The following PCDHGC3 variants were observed in gnomAD, a reference collection of about 807,000 sequenced individuals.
PCDHGC3 encodes the protein protocadherin gamma subfamily C, 3, also known as protocadherin gamma-C3.
In PCDHGC3, 26 loss-of-function variants were observed where a neutral mutation model predicts 59.2. That is an observed-to-expected ratio of 0.44 (90% CI 0.32 to 0.61). PCDHGC3 has a LOEUF of 0.61. PCDHGC3 is among the 20% of genes least tolerant of loss of function. The pLI, the probability that PCDHGC3 is intolerant of heterozygous loss-of-function variation, is 0.05. For synonymous variants in PCDHGC3, 487 were observed against 519.7 expected (o/e 0.94, Z 0.86); for missense variants, 1,080 against 1,221.8 (o/e 0.88, Z 1.73).
rs191642740 is a variant in PCDHGC3 at position 141,509,833 on chromosome 5, C to T, written c.2579-1114C>T. On this transcript the variant is annotated intron_variant, in intron 3 of 3. Coordinates refer to ENST00000308177, the MANE Select transcript of PCDHGC3 (RefSeq NM_002588.4). ...GAGCTCTTCTCCATCTTCTCTCTAC[C>T]TCCCATTCACTCAGAACAGGGATAA... 2.6e-5 allele frequency among the ~76,000 whole-genome samples: 4 copies of T among 152,300 alleles called. No individual in the cohort carries two copies. The East Asian group carries it at 7.7e-4, about 29-fold the overall frequency.
At chr5:141,505,332 A>C in intron 2 of PCDHGC3, 61 bp from the exon 3 acceptor site, 1 of 1,610,872 alleles carries the variant, frequency 6.2e-7, no homozygotes, top group South Asian at 1.1e-5. Flanking sequence ...GGGAGAGGAC[A>C]GGAGGGGCAT....
chr5:141,489,894 G>A lies in PCDHGC3; in HGVS notation c.2431-4913G>A, dbSNP rs942456058. 33 of 1,614,204 alleles carry A rather than the reference G, an allele frequency of 2.0e-5. No individual in the cohort carries two copies. The highest frequency in any genetic ancestry group is 2.4e-5 in the Non-Finnish European group (28 of 1,180,028). Reference sequence around the variant, plus strand: ...TGGTGCTTACTGCTGTGGATGGGGGGACCCCAGCCCGCTCAGGGACCACCC... The same window carrying A: ...TGGTGCTTACTGCTGTGGATGGGGGAACCCCAGCCCGCTCAGGGACCACCC... On this transcript the variant is annotated intron_variant, in intron 1 of 3. Coordinates refer to ENST00000308177, the MANE Select transcript of PCDHGC3 (RefSeq NM_002588.4). This position sits in a 1 kb window ranked among gnomAD's most constrained non-coding sequence, Gnocchi z 4.5.
Position 141,503,989 on chromosome 5 carries a change from C to T in PCDHGC3, c.2490-1404C>T, listed in dbSNP as rs534696225. Among the ~76,000 whole-genome samples the T allele has an allele frequency of 2.6e-5, 4 of 152,312 alleles. No individual in the cohort carries two copies. The South Asian group carries it at 8.3e-4, about 32-fold the overall frequency. On this transcript the variant is annotated intron_variant, in intron 2 of 3. Transcript: ENST00000308177. ...CATGGTGCCAAACCCTTCTTCTTAC[C>T]TTACAGTCACTTAACTGTCTCTGCT...
chr5:141,482,601 A>T (rs1158399317), intron 1 of PCDHGC3, among the ~76,000 whole-genome samples: 1 of 152,002 alleles, frequency 6.6e-6, no homozygotes, highest in Non-Finnish European at 1.5e-5. Flanking sequence ...ACGGGAAAAA[A>T]CACCTAAATG....
At position 141,478,338 on chromosome 5, in the gene PCDHGC3, C is replaced by T; in HGVS notation, c.2222C>T (p.Ser741Phe). ...TCACTGTACCGAACACCAGGGCCCTCCTTGCACGCGGACGCCGTGCGGGGA... is the reference window on the plus strand; with the variant it reads ...TCACTGTACCGAACACCAGGGCCCTTCTTGCACGCGGACGCCGTGCGGGGA... Reference protein sequence around the residue: ...VSSLYRTPGPSLHADAVRGGL... With the variant: ...VSSLYRTPGPFLHADAVRGGL... The change falls in exon 1 of 4, where the codon TCC becomes TTC. Residue 741 changes from serine to phenylalanine, a missense_variant. Coordinates refer to ENST00000308177, the MANE Select transcript of PCDHGC3 (RefSeq NM_002588.4). 1.2e-6 allele frequency: 2 copies of T among 1,613,936 alleles called. No individual in the cohort carries two copies. Among genetic ancestry groups the T allele is most frequent in the South Asian group, 1.1e-5 (1 of 91,084 alleles).
rs141151122 is a variant in PCDHGC3, at chr5:141,491,445, C to T, written c.2431-3362C>T. ...GAGGGCAGTGCTGCAGGCGCCAGGA[C>T]TCACCCTCCCCGGACTTCTATAAGC... is the stretch of plus-strand genomic sequence containing the variant. On this transcript the variant is annotated intron_variant, in intron 1 of 3. Transcript: ENST00000308177. This position sits in a 1 kb window ranked among gnomAD's most constrained non-coding sequence, Gnocchi z 6.9. 1 of 1,614,112 alleles carries T rather than the reference C, an allele frequency of 6.2e-7. No individual in the cohort carries two copies. The highest frequency in any genetic ancestry group is 8.5e-7 in the Non-Finnish European group (1 of 1,180,032).
rs934674909 is a variant in PCDHGC3, at chr5:141,511,083, A to C, written c.2715A>C (p.Thr905=). Residue 905 remains threonine, a synonymous_variant, in exon 4 of 4, where the codon ACA becomes ACC. Transcript: ENST00000308177. The part of the protein sequence containing the change: ...QNVYIPGSNA[T]LTNAAGKRDG... Reference sequence around the variant, plus strand: ...TCTACATCCCAGGCAGCAATGCCACACTGACCAACGCAGCTGGCAAGCGGG... The same window carrying C: ...TCTACATCCCAGGCAGCAATGCCACCCTGACCAACGCAGCTGGCAAGCGGG... 1.2e-6 allele frequency: 2 copies of C among 1,614,108 alleles called. No homozygotes were observed. Among genetic ancestry groups the C allele is most frequent in the African/African-American group, 2.7e-5 (2 of 74,940 alleles).
In PCDHGC3 at chr5:141,489,950, A is replaced by G; in HGVS notation, c.2431-4857A>G. 2 of 1,614,192 alleles carry G rather than the reference A, an allele frequency of 1.2e-6. No individual in the cohort carries two copies. The highest frequency in any genetic ancestry group is 1.1e-5 in the South Asian group (1 of 91,088). ...TCTGTCATCGTGCTGGACATCAATG[A>G]TAATGCTCCAACCTTCCAATCCTCA... On this transcript the variant is annotated intron_variant, in intron 1 of 3. Transcript: ENST00000308177. The surrounding 1 kb of genome is among the most constrained non-coding windows in gnomAD (Gnocchi z 4.5).
At chr5:141,498,220 G>T (rs1562182972) in intron 2 of PCDHGC3, among the ~76,000 whole-genome samples, 1 of 152,222 alleles carries the variant, frequency 6.6e-6, no homozygotes, top group Non-Finnish European at 1.5e-5. Flanking sequence ...GAGCATTCCA[G>T]ATGGTCAGGC....
intron 3 of PCDHGC3, among the ~76,000 whole-genome samples, chr5:141,507,805 G>C (rs2099863746): frequency 6.6e-6 from 1 of 152,204 alleles, no homozygotes; most frequent in Non-Finnish European, 1.5e-5. Flanking sequence ...TGCGCCCTGG[G>C]GAACGGACCC....
intron 1 of PCDHGC3, chr5:141,478,777 C>T: frequency 6.7e-7 from 1 of 1,488,806 alleles, no homozygotes. Context: ...CATCTGTGGA[C>T]CTAATTCACA....
chr5:141,490,597 C>T lies in PCDHGC3; in HGVS notation c.2431-4210C>T, dbSNP rs781077720. Reference sequence around the variant, plus strand: ...TTCAGATGTCAATGACAATGCACCCCGCTTCAACCAGCAGCTTTACACTGC... The same window carrying T: ...TTCAGATGTCAATGACAATGCACCCTGCTTCAACCAGCAGCTTTACACTGC... On this transcript the variant is annotated intron_variant, in intron 1 of 3. Coordinates refer to ENST00000308177, the MANE Select transcript of PCDHGC3 (RefSeq NM_002588.4). The surrounding 1 kb of genome is among the most constrained non-coding windows in gnomAD (Gnocchi z 5.4). The T allele has an allele frequency of 1.2e-5, 20 of 1,614,182 alleles. No homozygotes were observed. The highest frequency in any genetic ancestry group is 3.3e-5 in the Admixed American group (2 of 60,026).
rs138542775 is a variant in PCDHGC3, at chr5:141,491,313, C to T, written c.2431-3494C>T. ...ACCCTCCTGAGCGTTCAGACCTTAC[C>T]CTTTACCTCATTGTGGCTCTAGCGA... On this transcript the variant is annotated intron_variant, in intron 1 of 3. Transcript: ENST00000308177. This position sits in a 1 kb window ranked among gnomAD's most constrained non-coding sequence, Gnocchi z 6.9. 405 of 1,614,154 alleles carry T rather than the reference C, an allele frequency of 2.5e-4. 2 individuals are homozygous for T. In the African/African-American group the frequency reaches 4.5e-3, roughly 18 times the overall value.
At chr5:141,504,429 G>T (rs947508365) in intron 2 of PCDHGC3, among the ~76,000 whole-genome samples, 1 of 152,124 alleles carries the variant, frequency 6.6e-6, no homozygotes, top group Non-Finnish European at 1.5e-5. Context: ...CACTACAACA[G>T]CTGCAGTGTG....
chr5:141,498,616 G>T (rs1202866176), intron 2 of PCDHGC3, among the ~76,000 whole-genome samples: 1 of 152,138 alleles, frequency 6.6e-6, no homozygotes, highest in East Asian at 1.9e-4. Flanking sequence ...AGTCAGCACT[G>T]GGTCACACTG....
In PCDHGC3 at chr5:141,486,042, G is replaced by A; in HGVS notation, c.2430+7496G>A. The A allele has an allele frequency of 6.2e-7, 1 of 1,614,180 alleles. No individual in the cohort carries two copies. The highest frequency in any genetic ancestry group is 8.5e-7 in the Non-Finnish European group (1 of 1,180,030). On this transcript the variant is annotated intron_variant, in intron 1 of 3. Coordinates refer to ENST00000308177, the MANE Select transcript of PCDHGC3 (RefSeq NM_002588.4). This position sits in a 1 kb window ranked among gnomAD's most constrained non-coding sequence, Gnocchi z 5.0. The stretch of plus-strand genomic sequence containing the variant: ...AGTGGTCATACCCCTGATCGTGTAA[G>A]AAACCTCTTTAGCCTGCACCCCACT...
At chr5:141,501,606 G>A (rs2099810134) in intron 2 of PCDHGC3, among the ~76,000 whole-genome samples, 1 of 152,012 alleles carries the variant, frequency 6.6e-6, no homozygotes, top group African/African-American at 2.4e-5. Flanking sequence ...AGTTCCAGCT[G>A]TGTGACTCTG....
rs933089146 is a variant in PCDHGC3, at chr5:141,490,786, A to G, written c.2431-4021A>G. ...GTATGTCAACCCAGAGGATGGACGGATCTTTGCCCAGCGTACCTTTGACTA... is the reference window on the plus strand; with the variant it reads ...GTATGTCAACCCAGAGGATGGACGGGTCTTTGCCCAGCGTACCTTTGACTA... On this transcript the variant is annotated intron_variant, in intron 1 of 3. Coordinates refer to ENST00000308177, the MANE Select transcript of PCDHGC3 (RefSeq NM_002588.4). This position sits in a 1 kb window ranked among gnomAD's most constrained non-coding sequence, Gnocchi z 5.4. The G allele has an allele frequency of 1.9e-6, 3 of 1,614,056 alleles. No individual in the cohort carries two copies. The highest frequency in any genetic ancestry group is 1.7e-5 in the Admixed American group (1 of 60,016).
At position 141,512,523 on chromosome 5, in the gene PCDHGC3, T is replaced by A. The variant is rs1222752176; in HGVS notation, c.*1350T>A. 6.5e-6 allele frequency: 1 copy of A among 152,848 alleles called. No homozygotes were observed. The highest frequency in any genetic ancestry group is 1.5e-5 in the Non-Finnish European group (1 of 68,240). 9.5% of individuals were successfully genotyped at this position (152,848 alleles called of 1,614,324 possible). A position where few individuals can be genotyped will look rare whatever the true frequency, so the allele number is the denominator to read the frequency against. The stretch of plus-strand genomic sequence containing the variant: ...AGTGCGCCCCCTAGTGGCCATAGCC[T>A]GGTTAAAGTTCCCCAGTGCCTCCTT... On this transcript the variant is annotated 3_prime_UTR_variant, in exon 4 of 4. Transcript: ENST00000308177.
Sources: allele counts gnomAD v4.1 joint callset (sites outside exome capture counted in the v4.1 genomes callset), GRCh38; gene constraint gnomAD v4.1.1; non-coding constraint Gnocchi (gnomAD v3.1); transcripts MANE v1.5; gene names NCBI Gene and HGNC (gene_info 2026-07-23, HGNC 2026-07-21).